The following SNX25 variants were observed in gnomAD, a reference collection of about 807,000 sequenced individuals.
SNX25 encodes the protein sorting nexin 25, also known as sorting nexin-25.
In SNX25, 62 loss-of-function variants were observed where a neutral mutation model predicts 113.7. That is an observed-to-expected ratio of 0.55 (90% CI 0.44 to 0.67). The LOEUF is 0.67. SNX25 is among the 30% of genes least tolerant of loss of function. The probability of loss-of-function intolerance (pLI) is 0.00; values close to 1 mark genes in which losing one functional copy is unlikely to be tolerated. For synonymous variants in SNX25, 421 were observed against 436.2 expected, an observed-to-expected ratio of 0.97 and a Z score of 0.43; for missense variants, 1,014 against 1,161.0, an observed-to-expected ratio of 0.87 and a Z score of 1.84.
intron 15 of SNX25, among the ~76,000 whole-genome samples, chr4:185,357,332 T>C (rs1292697460): frequency 2.6e-5 from 4 of 152,290 alleles, no homozygotes; most frequent in South Asian, 2.1e-4. Flanking sequence ...GACAGAAATC[T>C]AAAATAGGAA....
intron 6 of SNX25, among the ~76,000 whole-genome samples, chr4:185,291,290 C>CA (rs1178962007): frequency 6.6e-6 from 1 of 152,144 alleles, no homozygotes; most frequent in East Asian, 1.9e-4. Context: ...CTGTAGCCAT[C>CA]ATTACCACCC....
rs1417250673 is a variant in SNX25 at position 185,241,296 on chromosome 4, C to G, written c.430-5998C>G. On this transcript the variant is annotated intron_variant, in intron 1 of 18. Coordinates refer to ENST00000652585, the MANE Select transcript of SNX25 (RefSeq NM_001378034.2). ...CTGGAGACCAGCCCGGCCAACACAGCGAAACCCCGTCTCCACCAAAAAAAT... is the reference window on the plus strand; with the variant it reads ...CTGGAGACCAGCCCGGCCAACACAGGGAAACCCCGTCTCCACCAAAAAAAT... 2.6e-5 allele frequency among the ~76,000 whole-genome samples: 4 copies of G among 152,072 alleles called. No individual in the cohort carries two copies. In the East Asian group the frequency reaches 5.8e-4, roughly 22 times the overall value.
chr4:185,309,687 C>T (rs1754975529), intron 6 of SNX25, among the ~76,000 whole-genome samples: 1 of 152,224 alleles, frequency 6.6e-6, no homozygotes, highest in South Asian at 2.1e-4. Context: ...TGCCATAACC[C>T]TGGTGTAGGC....
chr4:185,224,474 AATATATAGATATATAAATAG>A (rs1560904705), intron 1 of SNX25, among the ~76,000 whole-genome samples: 18 of 131,284 alleles, frequency 1.4e-4, no homozygotes, highest in East Asian at 4.4e-4. Context: ...TAAATATATA[AATATATAGATATATAAATAG>A]ATATATAAAT....
At chr4:185,243,190 G>A (rs1296255236) in intron 1 of SNX25, among the ~76,000 whole-genome samples, 1 of 152,116 alleles carries the variant, frequency 6.6e-6, no homozygotes, top group Non-Finnish European at 1.5e-5. Context: ...TTTTTATTAT[G>A]GTAAAATACT....
intron 5 of SNX25, among the ~76,000 whole-genome samples, chr4:185,268,024 T>TA (rs1269509667): frequency 1.3e-5 from 2 of 152,188 alleles, no homozygotes; most frequent in African/African-American, 4.8e-5. Flanking sequence ...GGGTTTGTCT[T>TA]ACTGTCTCAG....
chr4:185,332,988 T>C (rs1041602226), intron 10 of SNX25, among the ~76,000 whole-genome samples: 1 of 152,244 alleles, frequency 6.6e-6, no homozygotes, highest in African/African-American at 2.4e-5. Flanking sequence ...GTTCTTTACA[T>C]CTGCTTTGCC....
At chr4:185,276,916 C>G (rs559093813) in intron 5 of SNX25, among the ~76,000 whole-genome samples, 1 of 152,200 alleles carries the variant, frequency 6.6e-6, no homozygotes, top group Admixed American at 6.5e-5. Flanking sequence ...TAAAAAGCCT[C>G]CTCTTGCCCT....
rs549387055 is a variant in SNX25, at chr4:185,282,190, T to C, written c.1092-5822T>C. ...TTGACTCTGCCATGAAATTACAGCA[T>C]GTGCATGTCCGGACAGGCTGGAGTG... On this transcript the variant is annotated intron_variant, in intron 5 of 18. Coordinates refer to ENST00000652585, the MANE Select transcript of SNX25 (RefSeq NM_001378034.2). Among the ~76,000 whole-genome samples, 117 of 152,210 alleles carry C rather than the reference T, an allele frequency of 7.7e-4. 1 individual carries two copies. The highest frequency in any genetic ancestry group is 2.5e-3 in the African/African-American group (105 of 41,522).
intron 15 of SNX25, among the ~76,000 whole-genome samples, chr4:185,355,328 G>C (rs1350401822): frequency 1.3e-5 from 2 of 152,148 alleles, no homozygotes; most frequent in Admixed American, 1.3e-4. Flanking sequence ...CAAAGACTTT[G>C]AGAGCTTCTG....
At chr4:185,299,369 G>A (rs1043483742) in intron 6 of SNX25, among the ~76,000 whole-genome samples, 2 of 152,330 alleles carry the variant, frequency 1.3e-5, no homozygotes, top group South Asian at 2.1e-4. Flanking sequence ...AAGCCTGGAC[G>A]TAATGCTGTA....
chr4:185,267,484 A>C (rs1159529573), intron 5 of SNX25, among the ~76,000 whole-genome samples: 1 of 152,118 alleles, frequency 6.6e-6, no homozygotes, highest in African/African-American at 2.4e-5. Flanking sequence ...TAATCCCAGC[A>C]CTTTGGGAGG....
At chr4:185,221,033 ATTT>A (rs34885137) in intron 1 of SNX25, among the ~76,000 whole-genome samples, 1 of 141,534 alleles carries the variant, frequency 7.1e-6, no homozygotes, top group African/African-American at 2.6e-5. Flanking sequence ...CACCCAGCTA[ATTT>A]TTTTTTTTTT....
At chr4:185,308,584 G>T (rs941061631) in intron 6 of SNX25, among the ~76,000 whole-genome samples, 1 of 152,200 alleles carries the variant, frequency 6.6e-6, no homozygotes, top group Admixed American at 6.5e-5. Context: ...TTAGCAAAAT[G>T]TACCATTTGA....
At chr4:185,219,841 A>C (rs1207476358) in intron 1 of SNX25, among the ~76,000 whole-genome samples, 1 of 152,128 alleles carries the variant, frequency 6.6e-6, no homozygotes, top group East Asian at 1.9e-4. Context: ...AATTTGTTAT[A>C]CATGAAATTA....
At chr4:185,322,217 G>T (rs1489303422) in intron 8 of SNX25, among the ~76,000 whole-genome samples, 2 of 152,214 alleles carry the variant, frequency 1.3e-5, no homozygotes, top group African/African-American at 4.8e-5. Flanking sequence ...CAGTTCACAA[G>T]GTCAGGAGTT....
chr4:185,363,842 T>C lies in SNX25; in HGVS notation c.*377T>C, dbSNP rs1349329540. On this transcript the variant is annotated 3_prime_UTR_variant, in exon 19 of 19. Coordinates refer to ENST00000652585, the MANE Select transcript of SNX25 (RefSeq NM_001378034.2). The surrounding 1 kb of genome is among the most constrained non-coding windows in gnomAD (Gnocchi z 4.2). The stretch of plus-strand genomic sequence containing the variant: ...CTGTGAACATTCTTATATTATTTCA[T>C]GTATATTGAAGAACATTGTTATGCA... 6.2e-6 allele frequency: 1 copy of C among 160,946 alleles called. No homozygotes were observed. The highest frequency in any genetic ancestry group is 2.4e-5 in the African/African-American group (1 of 41,650). 10.0% of individuals were successfully genotyped at this position (160,946 alleles called of 1,614,324 possible). A position where few individuals can be genotyped will look rare whatever the true frequency, so the allele number is the denominator to read the frequency against.
In SNX25 at chr4:185,301,828, T is replaced by C. The variant is rs563824347; in HGVS notation, c.1163-8807T>C. The stretch of plus-strand genomic sequence containing the variant: ...TCTCGAACTCCTGACCTCAAGTGAT[T>C]GGCCCGCCTTGGCCTTCCAAAGTGC... On this transcript the variant is annotated intron_variant, in intron 6 of 18. Coordinates refer to ENST00000652585, the MANE Select transcript of SNX25 (RefSeq NM_001378034.2). Among the ~76,000 whole-genome samples the C allele has an allele frequency of 3.3e-5, 5 of 151,736 alleles. No individual in the cohort carries two copies. The South Asian group carries it at 1.0e-3, about 32-fold the overall frequency.
intron 1 of SNX25, among the ~76,000 whole-genome samples, chr4:185,236,914 A>G (rs531612331): frequency 3.9e-4 from 59 of 152,222 alleles, no homozygotes; most frequent in Non-Finnish European, 7.5e-4. Context: ...CAAGAAGGAA[A>G]TGTACCAAAA....
Sources: allele counts gnomAD v4.1 joint callset (sites outside exome capture counted in the v4.1 genomes callset), GRCh38; gene constraint gnomAD v4.1.1; non-coding constraint Gnocchi (gnomAD v3.1); transcripts MANE v1.5; gene names NCBI Gene and HGNC (gene_info 2026-07-23, HGNC 2026-07-21).